Variants in TNRC18 observed in about 807,000 individuals in gnomAD.
TNRC18 encodes the protein trinucleotide repeat-containing gene 18 protein.
Under a neutral mutation model 226.7 loss-of-function variants are expected in TNRC18, and 69 were observed. That is an observed-to-expected ratio of 0.30 (90% confidence interval 0.25 to 0.37). The LOEUF (loss-of-function observed/expected upper bound fraction) is 0.37, where lower values mean the gene tolerates loss of function less well. TNRC18 is among the 10% of genes least tolerant of loss of function. The probability of loss-of-function intolerance (pLI) is 1.00; values close to 1 mark genes in which losing one functional copy is unlikely to be tolerated. For synonymous variants in TNRC18, 2,449 were observed against 1,927.6 expected (o/e 1.27, Z -7.09); for missense variants, 4,754 against 4,256.6 (o/e 1.12, Z -3.25).
intron 18 of TNRC18, among the ~76,000 whole-genome samples, chr7:5,340,603 C>T (rs1195811882): frequency 6.6e-6 from 1 of 151,750 alleles, no homozygotes; most frequent in Non-Finnish European, 1.5e-5. Flanking sequence ...ATTAGCCAGG[C>T]GTAGTGGCGG....
At chr7:5,398,233 C>T (rs1321844834) in intron 2 of TNRC18, among the ~76,000 whole-genome samples, 1 of 151,872 alleles carries the variant, frequency 6.6e-6, no homozygotes, top group Non-Finnish European at 1.5e-5. Context: ...TGCAATGGCG[C>T]GATCTCGGCT....
At chr7:5,308,596 A>G (rs1786839036) in intron 29 of TNRC18, among the ~76,000 whole-genome samples, 1 of 152,180 alleles carries the variant, frequency 6.6e-6, no homozygotes, top group African/African-American at 2.4e-5. Flanking sequence ...AGAGACTGAA[A>G]GATAGAGGTT....
rs762693066 is a variant in TNRC18 at position 5,389,267 on chromosome 7, G to T, written c.557C>A (p.Pro186His). 1.5e-6 allele frequency: 2 copies of T among 1,307,144 alleles called. No individual in the cohort carries two copies. Among genetic ancestry groups the T allele is most frequent in the East Asian group, 3.1e-5 (1 of 32,198 alleles). 81.0% of individuals were successfully genotyped at this position (1,307,144 alleles called of 1,614,324 possible). ...LHSHAPSART[P>H]GGGHSSGAPA... ...GGCGCCCGAGGAGTGGCCGCCGCCAGGGGTCCGGGCCGAGGGCGCGTGAGA... is the reference window on the plus strand; with the variant it reads ...GGCGCCCGAGGAGTGGCCGCCGCCATGGGTCCGGGCCGAGGGCGCGTGAGA... Residue 186 changes from proline (P) to histidine (H), a missense_variant, in exon 5 of 30, where the codon CCT becomes CAT. Physicochemically the swap from Pro to His is moderately conservative, Grantham distance 77. Coordinates refer to ENST00000430969, the MANE Select transcript of TNRC18 (RefSeq NM_001080495.3).
chr7:5,332,390 G>T (rs1250274659), intron 19 of TNRC18, among the ~76,000 whole-genome samples: 3 of 152,118 alleles, frequency 2.0e-5, no homozygotes, highest in African/African-American at 7.2e-5. Flanking sequence ...CCATGATCAG[G>T]CCACTGCGCT....
intron 15 of TNRC18, among the ~76,000 whole-genome samples, chr7:5,358,509 C>G (rs1256848317): frequency 6.6e-6 from 1 of 152,160 alleles, no homozygotes; most frequent in Non-Finnish European, 1.5e-5. Flanking sequence ...CCCCTCTCAG[C>G]CAAGTCAACC....
rs556258999 is a variant in TNRC18 at position 5,314,988 on chromosome 7, C to A, written c.7023G>T (p.Lys2341Asn). 2.3e-5 allele frequency: 37 copies of A among 1,605,840 alleles called. No homozygotes were observed. In the Admixed American group the frequency reaches 6.1e-4, roughly 26 times the overall value. Residue 2341 changes from lysine to asparagine, a missense_variant, in exon 26 of 30, where the codon AAG (lysine) becomes AAT (asparagine). By Grantham distance (94) the Lys-to-Asn change is moderately conservative. Transcript: ENST00000430969. ...GRGRKPSAKA[K>N]GDRAATLEEG... is the part of the protein sequence containing the mutation. ...CTGGGGACCAGGCCAACCTACCACC[C>A]TTGGCCTTGGCGCTGGGTTTCCGCC...
chr7:5,340,475 G>A (rs1404285908), intron 18 of TNRC18, among the ~76,000 whole-genome samples: 3 of 152,154 alleles, frequency 2.0e-5, no homozygotes, highest in Admixed American at 6.5e-5. Context: ...GGTGGCTCAC[G>A]CCTGTCATCC....
intron 2 of TNRC18, among the ~76,000 whole-genome samples, chr7:5,406,649 G>A (rs1401483493): frequency 6.6e-6 from 1 of 151,858 alleles, no homozygotes; most frequent in Non-Finnish European, 1.5e-5. Flanking sequence ...TCAGGAGTTC[G>A]ACACCAGCCT....
At chr7:5,374,528 C>T (rs1187496702) in intron 9 of TNRC18, 44 bp from the exon 10 acceptor site, 8 of 1,516,384 alleles carry the variant, frequency 5.3e-6, no homozygotes, top group Non-Finnish European at 7.1e-6. Flanking sequence ...CACGAGTTTC[C>T]CCCTCCCCGA....
In TNRC18 at chr7:5,374,556, T is replaced by TC. The variant is rs1178284845; in HGVS notation, c.2800-73dup. ...CTCCCCGACGCCCGCACCTGCCCTG[T>TC]CCCCCCAAGGGTCCCCGAGTCCGAG... On this transcript the variant is annotated intron_variant, in intron 9 of 29. Coordinates refer to ENST00000430969, the MANE Select transcript of TNRC18 (RefSeq NM_001080495.3). 2.7e-6 allele frequency: 4 copies of TC among 1,457,440 alleles called. No individual in the cohort carries two copies. In the Admixed American group the frequency reaches 6.7e-5, roughly 24 times the overall value. The allele number at this position is 1,457,440 out of a possible 1,614,324, so 90.3% of individuals were successfully genotyped here.
chr7:5,321,481 G>A (rs1462645977), intron 21 of TNRC18, among the ~76,000 whole-genome samples: 1 of 152,032 alleles, frequency 6.6e-6, no homozygotes, highest in Non-Finnish European at 1.5e-5. Context: ...ACCCAGAGAT[G>A]AAAGCCTGCA....
At position 5,377,558 on chromosome 7, in the gene TNRC18, A is replaced by C; in HGVS notation, c.2274T>G (p.Ala758=). 2.5e-6 allele frequency: 4 copies of C among 1,584,474 alleles called. No homozygotes were observed. The South Asian group carries it at 4.6e-5, about 18-fold the overall frequency. ...TGGTAGGGTGCAGGCGGGCCAGGTCAGCCAGCTCCTTACTCTCTCTGGAAG... is the reference window on the plus strand; with the variant it reads ...TGGTAGGGTGCAGGCGGGCCAGGTCCGCCAGCTCCTTACTCTCTCTGGAAG... ...EKLLRESKEL[A]DLARLHPTSC... is the part of the protein sequence containing the mutation. The change falls in exon 7 of 30, where the codon GCT becomes GCG. Residue 758 remains alanine, a synonymous_variant. Transcript: ENST00000430969. This position sits in a 1 kb window ranked among gnomAD's most constrained non-coding sequence, Gnocchi z 5.8.
In TNRC18 at chr7:5,346,879, G is replaced by A. The variant is rs994539408; in HGVS notation, c.5471-1069C>T. Among the ~76,000 whole-genome samples, 5 of 152,316 alleles carry A rather than the reference G, an allele frequency of 3.3e-5. 1 individual carries two copies. Among genetic ancestry groups the A allele is most frequent in the African/African-American group, 9.6e-5 (4 of 41,570 alleles). ...ATCGAACAGAAACAGGGCCACCCCC[G>A]TGACTTGCAGGCAGGAACTGTGCTG... On this transcript the variant is annotated intron_variant, in intron 17 of 29. Coordinates refer to ENST00000430969, the MANE Select transcript of TNRC18 (RefSeq NM_001080495.3).
chr7:5,343,157 C>T (rs1790845959), intron 18 of TNRC18, among the ~76,000 whole-genome samples: 2 of 152,122 alleles, frequency 1.3e-5, no homozygotes, highest in Admixed American at 1.3e-4. Flanking sequence ...AGTTCGAGAC[C>T]AGCCTGGCCA....
intron 3 of TNRC18, among the ~76,000 whole-genome samples, chr7:5,392,988 G>A (rs1228801966): frequency 6.6e-6 from 1 of 152,200 alleles, no homozygotes; most frequent in Non-Finnish European, 1.5e-5. Context: ...CTCCAGTCTG[G>A]GCGACAGAGC....
At chr7:5,351,210 TG>T (rs1791775132) in intron 17 of TNRC18, among the ~76,000 whole-genome samples, 1 of 133,610 alleles carries the variant, frequency 7.5e-6, no homozygotes, top group African/African-American at 2.9e-5. Context: ...GGGGAGGAGG[TG>T]GGGGAGAAAC....
chr7:5,375,285 G>A (rs1017078196), intron 9 of TNRC18, among the ~76,000 whole-genome samples: 2 of 152,040 alleles, frequency 1.3e-5, no homozygotes, highest in African/African-American at 4.8e-5. Flanking sequence ...CTCCAGCCTG[G>A]GCGACAGAGC....
At chr7:5,361,121 G>A (rs979877958) in intron 14 of TNRC18, among the ~76,000 whole-genome samples, 3 of 152,156 alleles carry the variant, frequency 2.0e-5, no homozygotes, top group Non-Finnish European at 2.9e-5. Context: ...GGCTGCGACC[G>A]CCGCCCGAGG....
Position 5,388,763 on chromosome 7 carries a change from G to A in TNRC18, c.1061C>T (p.Ala354Val), listed in dbSNP as rs1780025809. The A allele has an allele frequency of 8.1e-7, 1 of 1,233,888 alleles. No individual in the cohort carries two copies. The highest frequency in any genetic ancestry group is 3.8e-5 in the East Asian group (1 of 26,332). 76.4% of individuals were successfully genotyped at this position (1,233,888 alleles called of 1,614,324 possible). ...CTCGCGGAAGACGGTGTAGACGCCG[G>A]CGGGGGTGGCCGCGGGGGGTGCAGG... ...GPPAPPAATP[A>V]GVYTVFREQG... Residue 354 changes from alanine to valine, a missense_variant, in exon 5 of 30, where the codon GCC becomes GTC. Transcript: ENST00000430969.
Sources: allele counts gnomAD v4.1 joint callset (sites outside exome capture counted in the v4.1 genomes callset), GRCh38; gene constraint gnomAD v4.1.1; non-coding constraint Gnocchi (gnomAD v3.1); transcripts MANE v1.5; gene names NCBI Gene and HGNC (gene_info 2026-07-23, HGNC 2026-07-21).